The following KIF26B variants were observed in gnomAD, a reference collection of about 807,000 sequenced individuals.
KIF26B encodes kinesin family member 26B.
In KIF26B, 63 loss-of-function variants were observed where a neutral mutation model predicts 151.2. The observed-to-expected ratio is 0.42, with a 90% CI of 0.34 to 0.51. KIF26B has a LOEUF of 0.51. KIF26B is among the 20% of genes least tolerant of loss of function. KIF26B has a pLI of 0.07. For synonymous variants in KIF26B, 1,357 were observed against 1,262.1 expected (o/e 1.08, Z -1.59); for missense variants, 2,813 against 2,913.6 (o/e 0.97, Z 0.79).
At chr1:245,543,957 GAAAA>G (rs1661682452) in intron 5 of KIF26B, among the ~76,000 whole-genome samples, 1 of 151,690 alleles carries the variant, frequency 6.6e-6, no homozygotes, top group Admixed American at 6.6e-5. Context: ...CAATAAAAAA[GAAAA>G]AGAAAAAGAA....
At chr1:245,164,657 G>A (rs781557949) in intron 2 of KIF26B, among the ~76,000 whole-genome samples, 2 of 152,244 alleles carry the variant, frequency 1.3e-5, no homozygotes, top group Admixed American at 6.5e-5. Context: ...GTGACAGGCT[G>A]GAAAGGAGGC....
chr1:245,646,627 A>C (rs937071098), intron 10 of KIF26B, among the ~76,000 whole-genome samples: 1 of 152,214 alleles, frequency 6.6e-6, no homozygotes, highest in South Asian at 2.1e-4. Flanking sequence ...GGGGTGGAAG[A>C]CTGGCTTATC....
chr1:245,471,668 G>A (rs958403015), intron 4 of KIF26B, among the ~76,000 whole-genome samples: 3 of 151,846 alleles, frequency 2.0e-5, no homozygotes, highest in African/African-American at 4.8e-5. Flanking sequence ...GTATGTCGGC[G>A]TTTTCTCTCT....
intron 3 of KIF26B, among the ~76,000 whole-genome samples, chr1:245,393,992 A>C (rs1173837): frequency 0.65 from 99,397 of 152,066 alleles, 32,487 homozygotes; most frequent in South Asian, 0.71. Context: ...GTCCCCTTGG[A>C]CTTAGCTCCA....
At chr1:245,357,683 G>T (rs932405819) in intron 2 of KIF26B, among the ~76,000 whole-genome samples, 20 of 151,884 alleles carry the variant, frequency 1.3e-4, no homozygotes, top group Non-Finnish European at 2.9e-4. Context: ...AGGGAGAGAG[G>T]GAGTTATCAT....
chr1:245,489,648 G>A (rs192716570), intron 4 of KIF26B, among the ~76,000 whole-genome samples: 22 of 152,064 alleles, frequency 1.4e-4, no homozygotes, highest in East Asian at 5.8e-4. Flanking sequence ...CTGATTCCTC[G>A]TCGGGCTATG....
intron 4 of KIF26B, among the ~76,000 whole-genome samples, chr1:245,487,311 C>G (rs979957985): frequency 6.6e-6 from 1 of 152,180 alleles, no homozygotes; most frequent in Non-Finnish European, 1.5e-5. Flanking sequence ...CCAACTATAT[C>G]ATTTGCAGGG....
intron 2 of KIF26B, among the ~76,000 whole-genome samples, chr1:245,223,866 A>G (rs894769418): frequency 2.0e-5 from 3 of 152,230 alleles, no homozygotes; most frequent in Admixed American, 2.0e-4. Context: ...TACCTTTGTC[A>G]GTGTGTTCTT....
At chr1:245,549,639 G>A (rs1231624703) in intron 5 of KIF26B, among the ~76,000 whole-genome samples, 1 of 152,170 alleles carries the variant, frequency 6.6e-6, no homozygotes, top group Non-Finnish European at 1.5e-5. Context: ...TAATTAGAAA[G>A]TTTTCCTTTG....
At chr1:245,357,257 C>T (rs1672720297) in intron 2 of KIF26B, among the ~76,000 whole-genome samples, 1 of 152,210 alleles carries the variant, frequency 6.6e-6, no homozygotes, top group African/African-American at 2.4e-5. Context: ...TGTCTGTTTT[C>T]TTGAGAGTGG....
At chr1:245,366,570 G>A (rs1672959103) in intron 2 of KIF26B, among the ~76,000 whole-genome samples, 1 of 151,466 alleles carries the variant, frequency 6.6e-6, no homozygotes, top group Admixed American at 6.6e-5. Flanking sequence ...TGACCAGCCT[G>A]GCGAAGAAGA....
At chr1:245,486,868 G>C (rs868760151) in intron 4 of KIF26B, among the ~76,000 whole-genome samples, 8 of 152,092 alleles carry the variant, frequency 5.3e-5, no homozygotes, top group Non-Finnish European at 7.4e-5. Flanking sequence ...ACAGGGTCTC[G>C]CTGTGTTGCC....
At chr1:245,197,027 G>A (rs76806219) in intron 2 of KIF26B, among the ~76,000 whole-genome samples, 5,631 of 152,294 alleles carry the variant, frequency 0.037, 332 homozygotes, top group African/African-American at 0.13. Context: ...CGCATTTGGA[G>A]ATGTTGGCAA....
At position 245,447,771 on chromosome 1, in the gene KIF26B, C is replaced by T. The variant is rs1319168139; in HGVS notation, c.1166+28026C>T. ...GACCCCACGACCCAGAAGTTCCTACCCTTGTCCTAGAAATTTCTGCATAAA... is the reference window on the plus strand; with the variant it reads ...GACCCCACGACCCAGAAGTTCCTACTCTTGTCCTAGAAATTTCTGCATAAA... On this transcript the variant is annotated intron_variant, in intron 4 of 14. Coordinates refer to ENST00000407071, the MANE Select transcript of KIF26B (RefSeq NM_018012.4). Among the ~76,000 whole-genome samples the T allele has an allele frequency of 3.9e-5, 6 of 152,192 alleles. No individual in the cohort carries two copies. The East Asian group carries it at 1.2e-3, about 29-fold the overall frequency.
At chr1:245,586,158 AGTGT>A (rs10526699) in intron 5 of KIF26B, among the ~76,000 whole-genome samples, 1,566 of 142,166 alleles carry the variant, frequency 0.011, 9 homozygotes, top group South Asian at 0.037. Flanking sequence ...CACCATGACC[AGTGT>A]GTGTGTGTGT....
At chr1:245,480,791 A>G (rs2103068814) in intron 4 of KIF26B, among the ~76,000 whole-genome samples, 1 of 151,740 alleles carries the variant, frequency 6.6e-6, no homozygotes, top group African/African-American at 2.4e-5. Flanking sequence ...AAAAAAAAAA[A>G]AAAAAGAGAG....
intron 2 of KIF26B, among the ~76,000 whole-genome samples, chr1:245,171,903 C>T (rs933933843): frequency 3.3e-5 from 5 of 152,184 alleles, no homozygotes; most frequent in African/African-American, 7.2e-5. Flanking sequence ...GCTTCACAGG[C>T]GTGTTTTGTC....
chr1:245,394,223 C>T (rs528425831), intron 3 of KIF26B, among the ~76,000 whole-genome samples: 3 of 152,262 alleles, frequency 2.0e-5, no homozygotes, highest in African/African-American at 4.8e-5. Context: ...TGAGTTTCTG[C>T]CATCTTAAAA....
rs1431429628 is a variant in KIF26B, at chr1:245,688,395, C to T, written c.5412C>T (p.Val1804=). 1 of 1,515,006 alleles carries T rather than the reference C, an allele frequency of 6.6e-7. No individual in the cohort carries two copies. Among genetic ancestry groups the T allele is most frequent in the Non-Finnish European group, 8.8e-7 (1 of 1,138,590 alleles). 93.8% of individuals were successfully genotyped at this position (1,515,006 alleles called of 1,614,324 possible). A position where few individuals can be genotyped will look rare whatever the true frequency, so the allele number is the denominator to read the frequency against. ...CCTCCAAGCTTCCCCTGCGGGCCGT[C>T]AGCGGGCGCATCTCGGAGCTGCTGC... ...GLASKLPLRA[V]SGRISELLQG... The change falls in exon 12 of 15, where the codon GTC becomes GTT. Residue 1804 remains valine (V), a synonymous_variant. Coordinates refer to ENST00000407071, the MANE Select transcript of KIF26B (RefSeq NM_018012.4).
Sources: allele counts gnomAD v4.1 joint callset (sites outside exome capture counted in the v4.1 genomes callset), GRCh38; gene constraint gnomAD v4.1.1; transcripts MANE v1.5; gene names NCBI Gene and HGNC (gene_info 2026-07-23, HGNC 2026-07-21).